The following PHTF2 variants were observed in gnomAD, a reference collection of about 807,000 sequenced individuals.
The protein encoded by PHTF2 is putative homeodomain transcription factor 2, also known as protein PHTF2.
PHTF2 carries 60 observed loss-of-function variants against 101.2 expected under a neutral mutation model. The observed-to-expected ratio is 0.59, with a 90% CI of 0.48 to 0.73. PHTF2 has a LOEUF of 0.73. Ranked by LOEUF, PHTF2 falls within the 30% of genes least tolerant of loss-of-function variation. The pLI, the probability that PHTF2 is intolerant of heterozygous loss-of-function variation, is 0.00. For synonymous variants in PHTF2, 311 were observed against 307.3 expected, an observed-to-expected ratio of 1.01 and a Z score of -0.13; for missense variants, 747 against 908.7, an observed-to-expected ratio of 0.82 and a Z score of 2.29.
At chr7:77,801,024 C>T (rs1428637810) in intron 1 of PHTF2, among the ~76,000 whole-genome samples, 2 of 152,104 alleles carry the variant, frequency 1.3e-5, no homozygotes, top group African/African-American at 2.4e-5. Flanking sequence ...ACTGCAAAAC[C>T]GTAAATTGAA....
intron 1 of PHTF2, among the ~76,000 whole-genome samples, chr7:77,828,983 G>A (rs1219631924): frequency 2.0e-5 from 3 of 151,926 alleles, no homozygotes; most frequent in African/African-American, 7.3e-5. Context: ...AGACCAGCCT[G>A]GACAACAAAG....
At chr7:77,828,374 A>G (rs942071976) in intron 1 of PHTF2, among the ~76,000 whole-genome samples, 2 of 152,362 alleles carry the variant, frequency 1.3e-5, no homozygotes, top group Non-Finnish European at 2.9e-5. Context: ...AAATTAATTC[A>G]TCTGTGGTGG....
exon 20 of PHTF2, chr7:77,956,240 A>G (rs913086688): frequency 6.6e-6 from 1 of 152,590 alleles, no homozygotes; most frequent in Non-Finnish European, 1.5e-5. Flanking sequence ...CATGTGGAAT[A>G]TCCTCATATT....
At chr7:77,811,995 G>A (rs1408272068) in intron 1 of PHTF2, among the ~76,000 whole-genome samples, 1 of 152,196 alleles carries the variant, frequency 6.6e-6, no homozygotes, top group Non-Finnish European at 1.5e-5. Flanking sequence ...ATGACCATGT[G>A]ATCATATCCT....
At chr7:77,920,294 G>T (rs759615826) in exon 10 of PHTF2, 25 of 1,581,290 alleles carry the variant, frequency 1.6e-5, no homozygotes, top group African/African-American at 6.8e-5. Context: ...AGAAAGCAAA[G>T]AATTCAATTG....
chr7:77,939,981 T>A, intron 13 of PHTF2, 49 bp from the exon 13 acceptor site: 1 of 1,338,932 alleles, frequency 7.5e-7, no homozygotes, highest in Non-Finnish European at 1.0e-6. Context: ...ATAAAATTTA[T>A]GGTATAATTT....
At chr7:77,913,323 G>A (rs141040933) in intron 9 of PHTF2, among the ~76,000 whole-genome samples, 54 of 151,630 alleles carry the variant, frequency 3.6e-4, no homozygotes, top group African/African-American at 1.3e-3. Flanking sequence ...AGGCAATGGA[G>A]GTTGTAGTGA....
chr7:77,879,262 A>C (rs894209794), intron 3 of PHTF2, among the ~76,000 whole-genome samples: 1 of 152,206 alleles, frequency 6.6e-6, no homozygotes. Flanking sequence ...TCATAGTGTT[A>C]CTAGCATTGA....
At chr7:77,933,840 A>G (rs1323895288) in intron 12 of PHTF2, among the ~76,000 whole-genome samples, 1 of 152,062 alleles carries the variant, frequency 6.6e-6, no homozygotes, top group Non-Finnish European at 1.5e-5. Context: ...CCTTTCTTAA[A>G]TGATTTAAAA....
chr7:77,870,749 G>A (rs770241208), intron 3 of PHTF2, among the ~76,000 whole-genome samples: 1 of 152,092 alleles, frequency 6.6e-6, no homozygotes, highest in Non-Finnish European at 1.5e-5. Flanking sequence ...CACATCTCCT[G>A]AGATCATATA....
intron 7 of PHTF2, among the ~76,000 whole-genome samples, chr7:77,903,920 CTA>C (rs1481509055): frequency 1.3e-5 from 2 of 152,164 alleles, no homozygotes; most frequent in African/African-American, 2.4e-5. Flanking sequence ...TTTTATATAA[CTA>C]TGTATAGTTT....
intron 5 of PHTF2, among the ~76,000 whole-genome samples, chr7:77,899,013 G>A (rs1292407066): frequency 2.0e-5 from 3 of 152,184 alleles, no homozygotes; most frequent in Non-Finnish European, 4.4e-5. Context: ...TGTTGGCCAG[G>A]CTGTTCTCAA....
chr7:77,896,586 TATC>T (rs748952235), intron 5 of PHTF2, among the ~76,000 whole-genome samples: 10 of 152,184 alleles, frequency 6.6e-5, no homozygotes, highest in East Asian at 1.9e-4. Context: ...ATAATAAACT[TATC>T]ATCCTCCCTA....
intron 11 of PHTF2, among the ~76,000 whole-genome samples, chr7:77,925,512 T>G (rs1336781213): frequency 1.2e-4 from 17 of 138,816 alleles, no homozygotes; most frequent in Admixed American, 1.0e-3. Flanking sequence ...TTTTTTTTTT[T>G]TTTTTTTTTT....
chr7:77,942,638 C>A (rs2150978647), intron 15 of PHTF2, 62 bp from the exon 15 acceptor site: 2 of 883,786 alleles, frequency 2.3e-6, no homozygotes, highest in South Asian at 1.6e-5. Flanking sequence ...TGGAAATTAT[C>A]TGCTGATTAG....
At chr7:77,911,014 A>T (rs542286888) in intron 9 of PHTF2, among the ~76,000 whole-genome samples, 121 of 152,284 alleles carry the variant, frequency 7.9e-4, no homozygotes, top group African/African-American at 2.7e-3. Context: ...GGCTGTATTA[A>T]AATGTCATGT....
chr7:77,867,794 G>T (rs1444678966), intron 3 of PHTF2, among the ~76,000 whole-genome samples: 1 of 152,170 alleles, frequency 6.6e-6, no homozygotes, highest in Non-Finnish European at 1.5e-5. Flanking sequence ...TTGGGTGATA[G>T]ACAGTGTAAT....
intron 5 of PHTF2, among the ~76,000 whole-genome samples, chr7:77,899,598 CAA>C (rs992971805): frequency 2.6e-4 from 40 of 152,108 alleles, no homozygotes; most frequent in Non-Finnish European, 1.6e-4. Flanking sequence ...TGAAGGGATT[CAA>C]AGATTAATTG....
intron 1 of PHTF2, among the ~76,000 whole-genome samples, chr7:77,813,745 A>C (rs1445309563): frequency 2.4e-4 from 37 of 152,176 alleles, no homozygotes; most frequent in Admixed American, 2.4e-3. Context: ...TGTGATGTGG[A>C]GTTGAATAGA....
Sources: allele counts gnomAD v4.1 joint callset (sites outside exome capture counted in the v4.1 genomes callset), GRCh38; gene constraint gnomAD v4.1.1; transcripts MANE v1.5; gene names NCBI Gene and HGNC (gene_info 2026-07-23, HGNC 2026-07-21).